Variants in MAP3K20 observed in about 807,000 individuals in gnomAD.
The protein encoded by MAP3K20 is mitogen-activated protein kinase kinase kinase 20.
Under a neutral mutation model 85.7 loss-of-function variants are expected in MAP3K20, and 40 were observed. That is an observed-to-expected ratio of 0.47 (90% CI 0.36 to 0.61). The LOEUF is 0.61. Among genes scored for constraint, MAP3K20 ranks in the 20% least tolerant of loss-of-function variants. MAP3K20 has a pLI of 0.00. For missense variants in MAP3K20, 817 were observed against 961.7 expected, an observed-to-expected ratio of 0.85 and a Z score of 1.99; for synonymous variants, 325 against 327.7, an observed-to-expected ratio of 0.99 and a Z score of 0.09.
intron 2 of MAP3K20, among the ~76,000 whole-genome samples, chr2:173,104,096 C>T (rs1192876914): frequency 6.6e-6 from 1 of 152,140 alleles, no homozygotes; most frequent in Non-Finnish European, 1.5e-5. Flanking sequence ...CCTGCCAGGG[C>T]TAGGGGCTGA....
chr2:173,104,547 A>G (rs143532275), intron 2 of MAP3K20, among the ~76,000 whole-genome samples: 1,753 of 152,316 alleles, frequency 0.012, 21 homozygotes, highest in Middle Eastern at 0.024. Context: ...TGAAATGTCA[A>G]TAAAGCCTGG....
intron 7 of MAP3K20, among the ~76,000 whole-genome samples, chr2:173,197,449 C>G (rs907344110): frequency 2.0e-5 from 3 of 152,118 alleles, no homozygotes; most frequent in African/African-American, 7.2e-5. Context: ...GAAAATAGAT[C>G]CCTTAGACCG....
At position 173,263,598 on chromosome 2, in the gene MAP3K20, G is replaced by C; in HGVS notation, c.1552-147G>C. The stretch of plus-strand genomic sequence containing the variant: ...GCCAACTGTTCAGAATATTTTCCTA[G>C]TGCATTATGATAGTGTTCTAAGAGG... On this transcript the variant is annotated intron_variant, in intron 18 of 19. Coordinates refer to ENST00000375213, the MANE Select transcript of MAP3K20 (RefSeq NM_016653.3). 6.6e-6 allele frequency: 5 copies of C among 752,172 alleles called. No individual in the cohort carries two copies. The South Asian group carries it at 1.0e-4, about 15-fold the overall frequency. 46.6% of individuals were successfully genotyped at this position (752,172 alleles called of 1,614,324 possible).
At chr2:173,127,965 A>AG (rs530782138) in intron 2 of MAP3K20, among the ~76,000 whole-genome samples, 218 of 152,032 alleles carry the variant, frequency 1.4e-3, no homozygotes, top group African/African-American at 5.1e-3. Flanking sequence ...TTAGTAAGTG[A>AG]TAGAATCTAG....
rs114881683 is a variant in MAP3K20 at position 173,201,009 on chromosome 2, A to G, written c.670-2787A>G. ...CAGCTTCCCTCACTGGTGAAATCTT[A>G]CATGTCTGTAGTATACTGTCAAGAC... On this transcript the variant is annotated intron_variant, in intron 8 of 19. Transcript: ENST00000375213. Among the ~76,000 whole-genome samples the G allele has an allele frequency of 8.8e-3, 1,338 of 152,256 alleles. 15 individuals are homozygous for G. The highest frequency in any genetic ancestry group is 0.03 in the African/African-American group (1,253 of 41,520).
At position 173,198,101 on chromosome 2, in the gene MAP3K20, G is replaced by GA; in HGVS notation, c.665dup (p.Asn222LysfsTer16). The GA allele has an allele frequency of 1.9e-6, 3 of 1,612,250 alleles. No individual in the cohort carries two copies. The highest frequency in any genetic ancestry group is 2.5e-6 in the Non-Finnish European group (3 of 1,178,984). ...ATTACAAGTAGCTTGGCTTGTAGTG[G>GA]AAAAAAACGAGGTAAGACTACGTTT... On this transcript the variant is annotated frameshift_variant, in exon 8 of 20. Transcript: ENST00000375213. LOFTEE classifies it high-confidence loss of function. The surrounding 1 kb of genome is among the most constrained non-coding windows in gnomAD (Gnocchi z 5.8).
chr2:173,106,625 G>A (rs897411865), intron 2 of MAP3K20, among the ~76,000 whole-genome samples: 1 of 152,196 alleles, frequency 6.6e-6, no homozygotes, highest in Admixed American at 6.5e-5. Context: ...CTTCAGGGTT[G>A]TGGTTTTCCT....
At chr2:173,224,402 TATAC>T in intron 11 of MAP3K20, 12 of 985,404 alleles carry the variant, frequency 1.2e-5, no homozygotes, top group Non-Finnish European at 1.4e-5. Flanking sequence ...TCCATATGAT[TATAC>T]ATAAAGTTCT....
chr2:173,200,316 A>T (rs1691006382), intron 8 of MAP3K20, among the ~76,000 whole-genome samples: 1 of 152,256 alleles, frequency 6.6e-6, no homozygotes, highest in African/African-American at 2.4e-5. Flanking sequence ...TAGCATAAAG[A>T]TAATTCACAA....
intron 16 of MAP3K20, among the ~76,000 whole-genome samples, chr2:173,246,870 T>C (rs1448239488): frequency 6.6e-6 from 1 of 152,200 alleles, no homozygotes; most frequent in Non-Finnish European, 1.5e-5. Context: ...CGGCTACCTA[T>C]GAGTGGGTCC....
chr2:173,249,817 A>G (rs1457539228), intron 16 of MAP3K20, among the ~76,000 whole-genome samples: 3 of 152,210 alleles, frequency 2.0e-5, no homozygotes, highest in African/African-American at 7.2e-5. Flanking sequence ...CTTTCCAAAC[A>G]TGTCAACTAA....
At chr2:173,131,271 T>C (rs759581476) in intron 2 of MAP3K20, among the ~76,000 whole-genome samples, 36 of 152,230 alleles carry the variant, frequency 2.4e-4, no homozygotes, top group Non-Finnish European at 4.7e-4. Context: ...TTAAGTAATA[T>C]ACACACATAT....
At chr2:173,106,962 AG>A (rs1186876125) in intron 2 of MAP3K20, among the ~76,000 whole-genome samples, 2 of 152,202 alleles carry the variant, frequency 1.3e-5, no homozygotes, top group African/African-American at 4.8e-5. Context: ...AGACTGTTGC[AG>A]GGGAAGAGTT....
At chr2:173,211,426 CCT>C (rs1213110413) in intron 10 of MAP3K20, 1 of 152,266 alleles carries the variant, frequency 6.6e-6, no homozygotes, top group African/African-American at 2.4e-5. Flanking sequence ...CAAGCAGTTT[CCT>C]CTCTTTGAAG....
At chr2:173,152,592 A>C (rs771364135) in intron 2 of MAP3K20, among the ~76,000 whole-genome samples, 3 of 152,210 alleles carry the variant, frequency 2.0e-5, no homozygotes, top group Non-Finnish European at 2.9e-5. Context: ...TTCTGCTCAA[A>C]GATAGTAAGG....
rs147521737 is a variant in MAP3K20, at chr2:173,142,287, A to G, written c.160-27518A>G. 6.8e-3 allele frequency among the ~76,000 whole-genome samples: 1,039 copies of G among 152,220 alleles called. 7 individuals are homozygous for G. The highest frequency in any genetic ancestry group is 8.2e-3 in the Non-Finnish European group (557 of 67,996). ...GGAGATCGAGACCATCCTGGCTAAC[A>G]TGGTAAAACCCTGACTCTACTAAAA... On this transcript the variant is annotated intron_variant, in intron 2 of 19. Transcript: ENST00000375213.
chr2:173,100,090 G>A (rs1170883683), intron 2 of MAP3K20, among the ~76,000 whole-genome samples: 2 of 152,230 alleles, frequency 1.3e-5, no homozygotes, highest in African/African-American at 4.8e-5. Flanking sequence ...TATACAGTTA[G>A]CAGCAAAGGC....
chr2:173,224,504 TATTTTCCTCATTTCTTTACTGCTGCC>T (rs1480673062), intron 11 of MAP3K20: 5 of 985,300 alleles, frequency 5.1e-6, no homozygotes, highest in Non-Finnish European at 6.0e-6. Context: ...AATTAGGTAA[TATTTTCCTCATTTCTTTACTGCTGCC>T]ATTTTCCTCA....
intron 11 of MAP3K20, among the ~76,000 whole-genome samples, chr2:173,219,836 AG>A (rs925568494): frequency 1.3e-5 from 2 of 152,128 alleles, no homozygotes; most frequent in Non-Finnish European, 2.9e-5. Flanking sequence ...TGGGAGGCTG[AG>A]GGGGGTGGAT....
Sources: allele counts gnomAD v4.1 joint callset (sites outside exome capture counted in the v4.1 genomes callset), GRCh38; gene constraint gnomAD v4.1.1; non-coding constraint Gnocchi (gnomAD v3.1); transcripts MANE v1.5; gene names NCBI Gene and HGNC (gene_info 2026-07-23, HGNC 2026-07-21).